The following C8B variants were observed in gnomAD, a reference collection of about 807,000 sequenced individuals.
The protein encoded by C8B is complement C8 beta chain.
In C8B, 67 loss-of-function variants were observed where a neutral mutation model predicts 64.6. The observed-to-expected ratio is 1.04, with a 90% confidence interval of 0.85 to 1.27. The LOEUF is 1.27. Among genes scored for constraint, C8B ranks in the 50% most tolerant of loss-of-function variants. C8B has a pLI of 0.00. For synonymous variants in C8B, 284 were observed against 257.7 expected (o/e 1.10, Z -0.98); for missense variants, 790 against 725.2 (o/e 1.09, Z -1.03).
At chr1:56,955,663 C>T (rs1456559148) in intron 3 of C8B, among the ~76,000 whole-genome samples, 1 of 152,170 alleles carries the variant, frequency 6.6e-6, no homozygotes, top group Non-Finnish European at 1.5e-5. Flanking sequence ...TCATGGCTTT[C>T]ATCAGAATCA....
intron 9 of C8B, among the ~76,000 whole-genome samples, chr1:56,936,571 T>A (rs961483886): frequency 3.3e-5 from 5 of 150,876 alleles, no homozygotes; most frequent in Non-Finnish European, 4.4e-5. Flanking sequence ...TCATGGGTTT[T>A]CTTGGTTTTT....
chr1:56,929,285 A>T lies in C8B; in HGVS notation c.*119T>A. ...AACATCTTTATTTTAAACAGCTTGC[A>T]TGGCACTGCCTTTTGCCCTTGCATG... On this transcript the variant is annotated 3_prime_UTR_variant, in exon 12 of 12. Coordinates refer to ENST00000371237, the MANE Select transcript of C8B (RefSeq NM_000066.4). The T allele has an allele frequency of 1.0e-6, 1 of 991,804 alleles. No individual in the cohort carries two copies. The highest frequency in any genetic ancestry group is 1.7e-5 in the Admixed American group (1 of 58,722). The allele number at this position is 991,804 out of a possible 1,614,324, so 61.4% of individuals were successfully genotyped here.
intron 1 of C8B, among the ~76,000 whole-genome samples, chr1:56,962,449 G>A (rs1015463544): frequency 3.3e-5 from 5 of 152,096 alleles, no homozygotes; most frequent in African/African-American, 9.7e-5. Context: ...GTTCCCTCAG[G>A]GCCTCTGTGT....
chr1:56,945,033 C>T (rs1644920920), intron 7 of C8B, among the ~76,000 whole-genome samples: 2 of 152,154 alleles, frequency 1.3e-5, no homozygotes, highest in Admixed American at 6.5e-5. Flanking sequence ...TTGGAGACCA[C>T]AGTGATAATC....
rs768211721 is a variant in C8B, at chr1:56,956,774, T to C, written c.386A>G (p.Gln129Arg). ...ACTCCTACATTGATTTATACCTGTC[T>C]GTGCACACACAAAGCCTTCACATCG... ...QVRCEGFVCA[Q>R]TGRCVNRRLL... Residue 129 changes from glutamine to arginine, a missense_variant, in exon 3 of 12, where the codon CAG becomes CGG. Transcript: ENST00000371237. The C allele has an allele frequency of 2.5e-6, 4 of 1,614,060 alleles. No homozygotes were observed. In the Admixed American group the frequency reaches 6.7e-5, roughly 27 times the overall value.
chr1:56,964,427 G>A (rs115501632), intron 1 of C8B, among the ~76,000 whole-genome samples: 2,137 of 152,162 alleles, frequency 0.014, 34 homozygotes, highest in Non-Finnish European at 0.019. Flanking sequence ...ACTTCCTGCC[G>A]GGACCTGTGT....
chr1:56,947,995 G>A (rs995398549), intron 6 of C8B, among the ~76,000 whole-genome samples: 21 of 152,076 alleles, frequency 1.4e-4, no homozygotes, highest in Admixed American at 5.2e-4. Context: ...TGGCTTTCAT[G>A]TTTGCTGCTC....
rs1249245663 is a variant in C8B, at chr1:56,950,753, AT to A, written c.667-1002del. Reference sequence around the variant, plus strand: ...TTTCTTCATGTGTAAAATGGAGGAGATAATGGTCCCTTTCATCAGGCTTGTT... The same window carrying A: ...TTTCTTCATGTGTAAAATGGAGGAGAAATGGTCCCTTTCATCAGGCTTGTT... On this transcript the variant is annotated intron_variant, in intron 5 of 11. Coordinates refer to ENST00000371237, the MANE Select transcript of C8B (RefSeq NM_000066.4). Among the ~76,000 whole-genome samples, 3 of 152,286 alleles carry A rather than the reference AT, an allele frequency of 2.0e-5. No individual in the cohort carries two copies. The East Asian group carries it at 5.8e-4, about 29-fold the overall frequency.
rs116491174 is a variant in C8B at position 56,945,224 on chromosome 1, G to A, written c.1105+597C>T. On this transcript the variant is annotated intron_variant, in intron 7 of 11. Coordinates refer to ENST00000371237, the MANE Select transcript of C8B (RefSeq NM_000066.4). Reference sequence around the variant, plus strand: ...TTGAATGTGAAGGTCTGGTCATGGGGTGAGCCTATGGTGGTAATAGGAAAA... The same window carrying A: ...TTGAATGTGAAGGTCTGGTCATGGGATGAGCCTATGGTGGTAATAGGAAAA... Among the ~76,000 whole-genome samples, 958 of 152,284 alleles carry A rather than the reference G, an allele frequency of 6.3e-3. 9 individuals carry two copies. The highest frequency in any genetic ancestry group is 0.022 in the African/African-American group (926 of 41,556).
At chr1:56,946,878 C>A (rs994448029) in intron 6 of C8B, among the ~76,000 whole-genome samples, 1 of 152,200 alleles carries the variant, frequency 6.6e-6, no homozygotes, top group Non-Finnish European at 1.5e-5. Context: ...TCCTTCAGTT[C>A]TACAAAGCCA....
chr1:56,964,448 C>A (rs1328299755), intron 1 of C8B, among the ~76,000 whole-genome samples: 1 of 152,196 alleles, frequency 6.6e-6, no homozygotes, highest in Non-Finnish European at 1.5e-5. Context: ...TCAAGGCCCA[C>A]TGAGGTGTCT....
chr1:56,945,872 C>A lies in C8B; in HGVS notation c.1054G>T (p.Gly352Cys). 6.2e-7 allele frequency: 1 copy of A among 1,614,070 alleles called. No individual in the cohort carries two copies. The highest frequency in any genetic ancestry group is 8.5e-7 in the Non-Finnish European group (1 of 1,179,986). The change falls in exon 7 of 12, where the codon GGC (glycine) becomes TGC (cysteine). Residue 352 changes from glycine (G) to cysteine (C), a missense_variant. Coordinates refer to ENST00000371237, the MANE Select transcript of C8B (RefSeq NM_000066.4). ...THYITEAVLG[G>C]IYEYTLVMNK... ...ATAACGAGGGTGTATTCATAAATGC[C>A]CCCAAGCACAGCCTCTGTGATGTAG...
In C8B at chr1:56,929,554, G is replaced by C. The variant is rs781205603; in HGVS notation, c.1626C>G (p.Thr542=). ...AGCAATTCCACTTCCCATCAATGGG[G>C]GTATCTATAAGAAAGAAGGTCAATA... ...LACEVSYRKN[T]PIDGKWNCWS... The change falls in exon 12 of 12, where the codon ACC becomes ACG. Residue 542 remains threonine, a synonymous_variant. Transcript: ENST00000371237. 7 of 1,613,520 alleles carry C rather than the reference G, an allele frequency of 4.3e-6. No homozygotes were observed. The highest frequency in any genetic ancestry group is 3.3e-5 in the Admixed American group (2 of 59,962).
rs1381789543 is a variant in C8B at position 56,954,005 on chromosome 1, A to T, written c.533+681T>A. On this transcript the variant is annotated intron_variant, in intron 4 of 11. Coordinates refer to ENST00000371237, the MANE Select transcript of C8B (RefSeq NM_000066.4). The stretch of plus-strand genomic sequence containing the variant: ...TTTTTTTAGAAAGAAGGTAAATCCC[A>T]TTCGGGGTCAGTGTTCCCCTCCCCA... Among the ~76,000 whole-genome samples, 4 of 152,202 alleles carry T rather than the reference A, an allele frequency of 2.6e-5. No individual in the cohort carries two copies. The East Asian group carries it at 7.7e-4, about 29-fold the overall frequency.
intron 2 of C8B, chr1:56,959,795 G>A (rs563924809): frequency 9.6e-6 from 7 of 730,742 alleles, no homozygotes; most frequent in Non-Finnish European, 1.1e-5. Flanking sequence ...TAATTAGGAA[G>A]CTAGTAGAGT....
chr1:56,961,201 T>C (rs1645175431), intron 1 of C8B, among the ~76,000 whole-genome samples: 1 of 152,236 alleles, frequency 6.6e-6, no homozygotes. Flanking sequence ...TCTTATTTTT[T>C]TCTTACAATT....
intron 8 of C8B, among the ~76,000 whole-genome samples, chr1:56,943,196 T>C (rs1488638828): frequency 6.6e-6 from 1 of 152,170 alleles, no homozygotes; most frequent in Admixed American, 6.5e-5. Context: ...CTTAGCACTA[T>C]CTAGTCAAAT....
At position 56,952,193 on chromosome 1, in the gene C8B, G is replaced by T. The variant is rs963090908; in HGVS notation, c.534-13C>A. ...GAACAAATTTATCCTGTGAGGAAGA[G>T]ACAGAGATGGCGAAGAGGTTAAAGT... On this transcript the variant is annotated splice_polypyrimidine_tract_variant and intron_variant, in intron 4 of 11. Coordinates refer to ENST00000371237, the MANE Select transcript of C8B (RefSeq NM_000066.4). 3 of 1,614,066 alleles carry T rather than the reference G, an allele frequency of 1.9e-6. No individual in the cohort carries two copies. Among genetic ancestry groups the T allele is most frequent in the Non-Finnish European group, 2.5e-6 (3 of 1,179,996 alleles).
At chr1:56,929,748 C>A (rs653804) in intron 11 of C8B, among the ~76,000 whole-genome samples, 190 bp from the exon 12 acceptor site, 71 of 152,022 alleles carry the variant, frequency 4.7e-4, no homozygotes, top group African/African-American at 1.6e-3. Flanking sequence ...TGCTTTCCCC[C>A]CTGTGCCCAG....
Sources: gnomAD v4.1 joint callset for allele counts (sites outside exome capture counted in the v4.1 genomes callset) on GRCh38, gnomAD v4.1.1 for gene constraint, MANE v1.5 for transcripts, NCBI Gene and HGNC (gene_info 2026-07-23, HGNC 2026-07-21) for gene names.